The following ANK3 variants were observed in gnomAD, a reference collection of about 807,000 sequenced individuals.
The protein encoded by ANK3 is ankyrin 3, also known as ankyrin-3.
A neutral mutation model predicts 370.9 loss-of-function variants in ANK3; 57 were observed. The observed-to-expected ratio is 0.15, with a 90% CI of 0.12 to 0.19. The LOEUF (loss-of-function observed/expected upper bound fraction) is 0.19. ANK3 is among the 10% of genes least tolerant of loss of function. The pLI is 1.00. For synonymous variants in ANK3, 1,929 were observed against 1,946.3 expected, an observed-to-expected ratio of 0.99 and a Z score of 0.23; for missense variants, 4,439 against 5,302.1, an observed-to-expected ratio of 0.84 and a Z score of 5.06.
intron 12 of ANK3, among the ~76,000 whole-genome samples, chr10:60,200,483 C>T (rs762230567): frequency 1.3e-5 from 2 of 152,106 alleles, no homozygotes; most frequent in African/African-American, 2.4e-5. Flanking sequence ...ACAATGTGGC[C>T]TCCCTCAGGG....
At chr10:60,248,216 A>G (rs891219585) in intron 7 of ANK3, among the ~76,000 whole-genome samples, 2 of 152,212 alleles carry the variant, frequency 1.3e-5, no homozygotes, top group South Asian at 4.1e-4. Flanking sequence ...GCTGGATCAT[A>G]CGTTAACTGT....
chr10:60,258,218 C>T (rs980800501), intron 7 of ANK3, among the ~76,000 whole-genome samples: 1 of 152,180 alleles, frequency 6.6e-6, no homozygotes, highest in East Asian at 1.9e-4. Context: ...AGTGTCAGTG[C>T]CATCTCAGCA....
intron 42 of ANK3, among the ~76,000 whole-genome samples, chr10:60,051,252 G>A (rs988271807): frequency 2.6e-5 from 4 of 151,916 alleles, no homozygotes; most frequent in East Asian, 1.9e-4. Context: ...AACTACAACC[G>A]CCACATATCA....
At chr10:60,698,073 C>T (rs1161337587) in intron 1 of ANK3, among the ~76,000 whole-genome samples, 2 of 152,020 alleles carry the variant, frequency 1.3e-5, no homozygotes, top group Non-Finnish European at 2.9e-5. Flanking sequence ...AAACAAACCC[C>T]ATCAAAAAGT....
Position 60,109,003 on chromosome 10 carries a change from G to A in ANK3, c.3000C>T (p.Ser1000=). 9 of 1,613,926 alleles carry A rather than the reference G, an allele frequency of 5.6e-6. No individual in the cohort carries two copies. Among genetic ancestry groups the A allele is most frequent in the Non-Finnish European group, 5.9e-6 (7 of 1,179,976 alleles). Residue 1000 remains serine, a synonymous_variant, in exon 27 of 44, where the codon AGC becomes AGT. Transcript: ENST00000280772. ...VDARGGSMRG[S]RHHGMRIIIP... ...TGATGATTCTCATCCCGTGATGACG[G>A]CTTCCTCTCATGGAGCCCCCTCTCG...
intron 1 of ANK3, among the ~76,000 whole-genome samples, chr10:60,358,134 ACACACACACC>A (rs1409264251): frequency 1.4e-5 from 2 of 143,892 alleles, no homozygotes; most frequent in African/African-American, 5.1e-5. Context: ...ACACACACAC[ACACACACACC>A]CAAAACTTCT....
At chr10:60,632,492 T>TC (rs1439796796) in intron 1 of ANK3, among the ~76,000 whole-genome samples, 1 of 152,166 alleles carries the variant, frequency 6.6e-6, no homozygotes, top group Non-Finnish European at 1.5e-5. Context: ...CTCGTACCTG[T>TC]AATCTCAGCA....
intron 24 of ANK3, among the ~76,000 whole-genome samples, chr10:60,135,223 C>T (rs2094283391): frequency 6.6e-6 from 1 of 152,210 alleles, no homozygotes; most frequent in Non-Finnish European, 1.5e-5. Context: ...TGAAGCTAAT[C>T]TGAGTCTTCA....
chr10:60,472,274 G>A lies in ANK3; in HGVS notation c.96+142912C>T, dbSNP rs919085013. 2.6e-5 allele frequency among the ~76,000 whole-genome samples: 4 copies of A among 152,188 alleles called. No homozygotes were observed. The East Asian group carries it at 7.7e-4, about 29-fold the overall frequency. On this transcript the variant is annotated intron_variant, in intron 2 of 43. Transcript: ENST00000373827. ...TCAGGATAGCACTTTGGTATCAATA[G>A]TCCTCATGCTATTATTTGAGACTAA...
chr10:60,382,445 C>T (rs956894390), intron 1 of ANK3, among the ~76,000 whole-genome samples: 1 of 152,060 alleles, frequency 6.6e-6, no homozygotes, highest in African/African-American at 2.4e-5. Flanking sequence ...TTTACCAGAA[C>T]CAATTAAATC....
chr10:60,146,777 G>A (rs1342121016), intron 23 of ANK3, among the ~76,000 whole-genome samples: 1 of 152,106 alleles, frequency 6.6e-6, no homozygotes, highest in East Asian at 1.9e-4. Context: ...ACTGCGCCCG[G>A]CAAAGATTTA....
intron 2 of ANK3, among the ~76,000 whole-genome samples, chr10:60,589,194 C>T (rs1041426681): frequency 7.2e-5 from 11 of 152,072 alleles, no homozygotes; most frequent in Non-Finnish European, 1.0e-4. Flanking sequence ...ATTCTACTTT[C>T]GGGTAAATGG....
intron 8 of ANK3, among the ~76,000 whole-genome samples, chr10:60,228,681 GTAAT>G (rs1293254446): frequency 6.6e-6 from 1 of 151,984 alleles, no homozygotes; most frequent in Non-Finnish European, 1.5e-5. Context: ...AGGAAGGAGG[GTAAT>G]TAAAGATGGT....
At chr10:60,463,377 G>A (rs2133061924) in intron 2 of ANK3, among the ~76,000 whole-genome samples, 1 of 152,244 alleles carries the variant, frequency 6.6e-6, no homozygotes, top group Non-Finnish European at 1.5e-5. Context: ...TTGAGGGGAT[G>A]ACCACTGTGT....
Position 60,140,623 on chromosome 10 carries a change from C to T in ANK3, c.2615-1536G>A, listed in dbSNP as rs904147483. On this transcript the variant is annotated intron_variant, in intron 23 of 43. Transcript: ENST00000280772. ...AAAAAAATCTTTTTAAAAAACCCCA[C>T]TTAATTGAGGTTAAGATCCTTTTGA... 34 of 1,400,230 alleles carry T rather than the reference C, an allele frequency of 2.4e-5. No individual in the cohort carries two copies. The African/African-American group carries it at 4.2e-4, about 17-fold the overall frequency. 86.7% of individuals were successfully genotyped at this position (1,400,230 alleles called of 1,614,324 possible).
intron 1 of ANK3, among the ~76,000 whole-genome samples, chr10:60,691,649 G>T (rs1423209435): frequency 3.3e-5 from 5 of 152,128 alleles, no homozygotes; most frequent in African/African-American, 1.2e-4. Context: ...CAAAATATAT[G>T]TCTGGATCCT....
At chr10:60,336,088 GGC>G (rs2052758893) in intron 1 of ANK3, among the ~76,000 whole-genome samples, 1 of 151,180 alleles carries the variant, frequency 6.6e-6, no homozygotes, top group African/African-American at 2.5e-5. Context: ...AACATAGTTT[GGC>G]GGGGGGGGGA....
intron 22 of ANK3, 85 bp from the exon 23 acceptor site, chr10:60,166,738 A>T: frequency 6.3e-7 from 1 of 1,588,094 alleles, no homozygotes; most frequent in Non-Finnish European, 8.6e-7. Context: ...TTCCTGATAA[A>T]CATTTTTGCA....
intron 7 of ANK3, among the ~76,000 whole-genome samples, chr10:60,258,470 C>T (rs1016354483): frequency 7.2e-5 from 11 of 152,134 alleles, no homozygotes; most frequent in Admixed American, 2.6e-4. Context: ...AATCAGTTAC[C>T]GGAACTGCTA....
Sources: allele counts gnomAD v4.1 joint callset (sites outside exome capture counted in the v4.1 genomes callset), GRCh38; gene constraint gnomAD v4.1.1; transcripts MANE v1.5; gene names NCBI Gene and HGNC (gene_info 2026-07-23, HGNC 2026-07-21).